RFX4: variants seen among roughly 807,000 people sequenced by gnomAD.
The protein encoded by RFX4 is transcription factor RFX4.
Under a neutral mutation model 95.0 loss-of-function variants are expected in RFX4, and 10 were observed. The ratio of observed to expected loss-of-function variants is 0.11; its 90% CI spans 0.06 to 0.18. RFX4 has a LOEUF of 0.18. Ranked by LOEUF, RFX4 falls within the 10% of genes least tolerant of loss-of-function variation. The pLI is 1.00. For synonymous variants in RFX4, 321 were observed against 340.7 expected, an observed-to-expected ratio of 0.94 and a Z score of 0.64; for missense variants, 640 against 922.0, an observed-to-expected ratio of 0.69 and a Z score of 3.96.
chr12:106,597,359 G>T (rs1386603437), intron 1 of RFX4, among the ~76,000 whole-genome samples: 1 of 152,076 alleles, frequency 6.6e-6, no homozygotes, highest in Admixed American at 6.5e-5. Context: ...TGTCTTTCTG[G>T]CGTCCAAGGC....
Position 106,720,357 on chromosome 12 carries a change from A to G in RFX4, c.1233+303A>G, listed in dbSNP as rs1267010920. 6.6e-6 allele frequency among the ~76,000 whole-genome samples: 1 copy of G among 152,186 alleles called. No homozygotes were observed. The highest frequency in any genetic ancestry group is 1.9e-4 in the East Asian group (1 of 5,194). On this transcript the variant is annotated intron_variant, in intron 12 of 17. Transcript: ENST00000392842. This position sits in a 1 kb window ranked among gnomAD's most constrained non-coding sequence, Gnocchi z 4.2. ...CTCCATAGCATTGACTTTGAAGACC[A>G]TAAGCCTTCCTGTCATTTTTCTGTA...
At chr12:106,653,808 T>C (rs1316620523) in intron 3 of RFX4, among the ~76,000 whole-genome samples, 1 of 152,204 alleles carries the variant, frequency 6.6e-6, no homozygotes, top group East Asian at 1.9e-4. Flanking sequence ...TCCAAGATGT[T>C]GACACATCCT....
chr12:106,708,297 G>A (rs190653677), intron 8 of RFX4, among the ~76,000 whole-genome samples: 48 of 152,084 alleles, frequency 3.2e-4, no homozygotes, highest in Middle Eastern at 6.8e-3. Context: ...AACCAGACAG[G>A]TAGCTGAGTG....
Position 106,681,994 on chromosome 12 carries a change from T to A in RFX4, c.317T>A (p.Ile106Asn), listed in dbSNP as rs181400590. The A allele has an allele frequency of 6.2e-7, 1 of 1,614,172 alleles. No individual in the cohort carries two copies. The highest frequency in any genetic ancestry group is 1.7e-5 in the Admixed American group (1 of 60,026). ...ACTGATTCTTGTGTTGACTTACAGA[T>A]CATAAGGCAGCAGTTTCCTCAGTTA... ...QPVNAASFGKIIRQQFPQLTT... is the reference protein window; with the variant it reads ...QPVNAASFGKNIRQQFPQLTT... Residue 106 changes from isoleucine to asparagine, a missense_variant and splice_region_variant, in exon 5 of 18, where the codon ATC (isoleucine) becomes AAC (asparagine). Coordinates refer to ENST00000392842, the MANE Select transcript of RFX4 (RefSeq NM_213594.3).
chr12:106,682,134 C>A lies in RFX4; in HGVS notation c.377+80C>A, dbSNP rs115876619. 475 of 1,433,874 alleles carry A rather than the reference C, an allele frequency of 3.3e-4. 4 individuals carry two copies. In the African/African-American group the frequency reaches 5.8e-3, roughly 18 times the overall value. The allele number at this position is 1,433,874 out of a possible 1,614,324, so 88.8% of individuals were successfully genotyped here. On this transcript the variant is annotated intron_variant, in intron 5 of 17. Coordinates refer to ENST00000392842, the MANE Select transcript of RFX4 (RefSeq NM_213594.3). ...CAGGCCACACCCTTGGCTCTTTATC[C>A]TGAGCTCTGTCTGCAGGCCTGGCAG...
intron 1 of RFX4, among the ~76,000 whole-genome samples, chr12:106,606,896 A>G (rs1278104549): frequency 6.6e-6 from 1 of 152,160 alleles, no homozygotes; most frequent in African/African-American, 2.4e-5. Context: ...ATGGTGTGTA[A>G]CCTAAGGTGT....
intron 5 of RFX4, among the ~76,000 whole-genome samples, chr12:106,686,335 C>T (rs757324301): frequency 1.3e-5 from 2 of 150,768 alleles, no homozygotes; most frequent in Admixed American, 1.3e-4. Flanking sequence ...CGCTTGAACC[C>T]GGGAGGCGTG....
intron 8 of RFX4, among the ~76,000 whole-genome samples, chr12:106,699,430 T>C (rs1276843964): frequency 6.6e-6 from 1 of 152,196 alleles, no homozygotes; most frequent in East Asian, 1.9e-4. Flanking sequence ...TAATTGATAG[T>C]ATTGTTTAAA....
At chr12:106,592,217 T>A (rs1017246320) in intron 1 of RFX4, among the ~76,000 whole-genome samples, 4 of 150,614 alleles carry the variant, frequency 2.7e-5, no homozygotes, top group African/African-American at 2.5e-5. Context: ...AAAAAAAAAA[T>A]GTAGACTGTT....
chr12:106,631,224 G>A (rs1258690953), intron 2 of RFX4, among the ~76,000 whole-genome samples: 1 of 152,188 alleles, frequency 6.6e-6, no homozygotes, highest in African/African-American at 2.4e-5. Flanking sequence ...TTCCCCGATG[G>A]TACTGCTGTT....
At chr12:106,587,460 G>A (rs955997782) in intron 1 of RFX4, among the ~76,000 whole-genome samples, 1 of 152,220 alleles carries the variant, frequency 6.6e-6, no homozygotes, top group African/African-American at 2.4e-5. Context: ...AGGGCCCAGT[G>A]CGAGGAAGAG....
chr12:106,614,073 AT>A (rs1292655953), intron 2 of RFX4, among the ~76,000 whole-genome samples: 1 of 151,900 alleles, frequency 6.6e-6, no homozygotes, highest in African/African-American at 2.4e-5. Context: ...AGCATATGTC[AT>A]TTTGGTTGCA....
intron 1 of RFX4, among the ~76,000 whole-genome samples, chr12:106,607,020 AGTT>A (rs1422547134): frequency 6.6e-6 from 1 of 152,144 alleles, no homozygotes; most frequent in Non-Finnish European, 1.5e-5. Context: ...TGCTTCAGAG[AGTT>A]GTTGTGAGGA....
intron 1 of RFX4, among the ~76,000 whole-genome samples, chr12:106,592,485 A>C (rs1157364999): frequency 6.6e-6 from 1 of 152,132 alleles, no homozygotes; most frequent in Admixed American, 6.5e-5. Context: ...CCTGGAAGAG[A>C]GATCTGTGGT....
chr12:106,669,687 T>G (rs2041243039), intron 4 of RFX4, among the ~76,000 whole-genome samples: 1 of 149,258 alleles, frequency 6.7e-6, no homozygotes, highest in Non-Finnish European at 1.5e-5. Context: ...TCAAAGATGG[T>G]CTTTTTCCAG....
At chr12:106,758,596 G>A (rs2043152698) in intron 17 of RFX4, among the ~76,000 whole-genome samples, 2 of 152,200 alleles carry the variant, frequency 1.3e-5, no homozygotes, top group Non-Finnish European at 2.9e-5. Context: ...GGGGGACTCT[G>A]TCAGAACCAG....
intron 7 of RFX4, among the ~76,000 whole-genome samples, chr12:106,689,902 GTAGT>G (rs934839702): frequency 3.9e-5 from 6 of 152,148 alleles, no homozygotes; most frequent in African/African-American, 1.4e-4. Flanking sequence ...TTAAAATATT[GTAGT>G]TAAAGAATGG....
chr12:106,587,799 TG>T (rs1239738893), intron 1 of RFX4, among the ~76,000 whole-genome samples: 2 of 152,160 alleles, frequency 1.3e-5, no homozygotes, highest in East Asian at 3.9e-4. Context: ...GAAAGGGTGA[TG>T]GGTTAGAATA....
intron 2 of RFX4, among the ~76,000 whole-genome samples, chr12:106,617,300 C>T (rs2137226885): frequency 6.6e-6 from 1 of 152,032 alleles, no homozygotes; most frequent in South Asian, 2.1e-4. Context: ...GTTTAATTTG[C>T]TGTCTTTTTC....
Sources: gnomAD v4.1 joint callset for allele counts (sites outside exome capture counted in the v4.1 genomes callset) on GRCh38, gnomAD v4.1.1 for gene constraint, Gnocchi (gnomAD v3.1) non-coding constraint, MANE v1.5 for transcripts, NCBI Gene and HGNC (gene_info 2026-07-23, HGNC 2026-07-21) for gene names.